Variants in ADCY2 observed in about 807,000 individuals in gnomAD.
ADCY2 encodes adenylate cyclase type 2.
In ADCY2, 31 loss-of-function variants were observed where a neutral mutation model predicts 125.2. That is an observed-to-expected ratio of 0.25 (90% CI 0.19 to 0.33). The LOEUF (loss-of-function observed/expected upper bound fraction) is 0.33, where lower values mean the gene tolerates loss of function less well. Ranked by LOEUF, ADCY2 falls within the 10% of genes least tolerant of loss-of-function variation. The pLI is 1.00. For synonymous variants in ADCY2, 512 were observed against 548.4 expected, an observed-to-expected ratio of 0.93 and a Z score of 0.93; for missense variants, 904 against 1,418.2, an observed-to-expected ratio of 0.64 and a Z score of 5.82.
chr5:7,608,432 C>T (rs941397094), intron 3 of ADCY2, among the ~76,000 whole-genome samples: 8 of 151,902 alleles, frequency 5.3e-5, no homozygotes, highest in South Asian at 2.1e-4. Context: ...AAAAGTTAGC[C>T]GGGCGTGGTG....
At chr5:7,761,143 C>CTT (rs1482654809) in intron 16 of ADCY2, among the ~76,000 whole-genome samples, 1 of 64,514 alleles carries the variant, frequency 1.6e-5, no homozygotes. Flanking sequence ...CTTTTCTTTT[C>CTT]TTTTCTTTTT....
At chr5:7,787,242 C>T (rs1388717911) in intron 19 of ADCY2, among the ~76,000 whole-genome samples, 1 of 152,208 alleles carries the variant, frequency 6.6e-6, no homozygotes, top group Non-Finnish European at 1.5e-5. Flanking sequence ...GCACTGCCCT[C>T]CCTGAGTCAC....
At chr5:7,704,433 AT>A (rs1741194262) in intron 7 of ADCY2, among the ~76,000 whole-genome samples, 1 of 152,176 alleles carries the variant, frequency 6.6e-6, no homozygotes, top group Non-Finnish European at 1.5e-5. Context: ...CATGTAAATT[AT>A]TTTTAATCAA....
At chr5:7,727,296 T>C (rs918508716) in intron 14 of ADCY2, 35 bp downstream of exon 14, 2 of 1,561,916 alleles carry the variant, frequency 1.3e-6, no homozygotes, top group Non-Finnish European at 1.8e-6. Flanking sequence ...GATTCTCACC[T>C]GGGGTGCCTT....
chr5:7,473,721 C>T (rs997848257), intron 2 of ADCY2, among the ~76,000 whole-genome samples: 2 of 152,150 alleles, frequency 1.3e-5, no homozygotes, highest in South Asian at 2.1e-4. Context: ...TTCCTTTCTG[C>T]AGTGGTAGGC....
In ADCY2 at chr5:7,602,162, A is replaced by C. The variant is rs115539962; in HGVS notation, c.571-24005A>C. On this transcript the variant is annotated intron_variant, in intron 3 of 24. Coordinates refer to ENST00000338316, the MANE Select transcript of ADCY2 (RefSeq NM_020546.3). ...TTATCTCAAAATCATAAACTTAGTT[A>C]CATTTGCAAAGGTACAATTTTTTCC... Among the ~76,000 whole-genome samples the C allele has an allele frequency of 3.1e-3, 468 of 152,354 alleles. 1 individual carries two copies. The highest frequency in any genetic ancestry group is 5.7e-3 in the Admixed American group (87 of 15,314).
intron 3 of ADCY2, among the ~76,000 whole-genome samples, chr5:7,573,126 C>T (rs1196561387): frequency 6.6e-6 from 1 of 152,114 alleles, no homozygotes; most frequent in Non-Finnish European, 1.5e-5. Flanking sequence ...TCTGCCTACA[C>T]CATGATTGTG....
At chr5:7,651,882 A>G (rs1435288073) in intron 4 of ADCY2, among the ~76,000 whole-genome samples, 1 of 152,088 alleles carries the variant, frequency 6.6e-6, no homozygotes, top group East Asian at 1.9e-4. Context: ...GGCTCACTGT[A>G]ACCTGCGCCT....
At chr5:7,781,702 T>C (rs1743927987) in intron 18 of ADCY2, among the ~76,000 whole-genome samples, 1 of 152,190 alleles carries the variant, frequency 6.6e-6, no homozygotes, top group Non-Finnish European at 1.5e-5. Context: ...GCTACCTCGT[T>C]ATAGCAACTC....
At chr5:7,750,472 A>G (rs1742773433) in intron 15 of ADCY2, among the ~76,000 whole-genome samples, 1 of 152,152 alleles carries the variant, frequency 6.6e-6, no homozygotes, top group Non-Finnish European at 1.5e-5. Flanking sequence ...TGTTTTTGTT[A>G]AACAATGTAT....
At chr5:7,804,437 G>A (rs1239386566) in intron 21 of ADCY2, 148 bp from the exon 22 acceptor site, 3 of 685,444 alleles carry the variant, frequency 4.4e-6, no homozygotes, top group Non-Finnish European at 8.0e-6. Context: ...TTCATTCCTG[G>A]AAAAGCCCAG....
intron 2 of ADCY2, among the ~76,000 whole-genome samples, chr5:7,437,411 G>A (rs1342367085): frequency 2.6e-5 from 4 of 152,210 alleles, no homozygotes; most frequent in South Asian, 2.1e-4. Flanking sequence ...TGAGGAGTTC[G>A]GAGTGGAAGT....
chr5:7,645,030 A>T (rs1033932116), intron 4 of ADCY2, among the ~76,000 whole-genome samples: 4 of 152,106 alleles, frequency 2.6e-5, no homozygotes, highest in Admixed American at 6.6e-5. Context: ...CTGTAGTTTC[A>T]TGCTCTTTGG....
intron 2 of ADCY2, among the ~76,000 whole-genome samples, chr5:7,464,720 A>C (rs1007918895): frequency 6.6e-6 from 1 of 152,210 alleles, no homozygotes; most frequent in Non-Finnish European, 1.5e-5. Context: ...ACCAAATCTA[A>C]ATGATAAGAG....
intron 22 of ADCY2, among the ~76,000 whole-genome samples, chr5:7,805,141 C>T (rs1370308073): frequency 1.3e-5 from 2 of 150,308 alleles, no homozygotes; most frequent in East Asian, 3.9e-4. Flanking sequence ...CATAGTGAAA[C>T]CCCGTCTTTA....
Position 7,626,338 on chromosome 5 carries a change from A to C in ADCY2, c.720+22A>C. On this transcript the variant is annotated intron_variant, in intron 4 of 24. Coordinates refer to ENST00000338316, the MANE Select transcript of ADCY2 (RefSeq NM_020546.3). ...ACAGGTAATGGATGTTTCATCTTAC[A>C]TCCACATTATTTTAGTCATTATTAA... The C allele has an allele frequency of 2.5e-6, 4 of 1,611,390 alleles. 1 individual carries two copies. In the South Asian group the frequency reaches 4.4e-5, roughly 18 times the overall value.
At chr5:7,641,260 C>T (rs1738701440) in intron 4 of ADCY2, among the ~76,000 whole-genome samples, 1 of 152,194 alleles carries the variant, frequency 6.6e-6, no homozygotes, top group Non-Finnish European at 1.5e-5. Context: ...GGCAGCCAGA[C>T]TGTCCATTAC....
At chr5:7,520,944 A>C in intron 3 of ADCY2, 45 bp downstream of exon 3, 1 of 1,607,388 alleles carries the variant, frequency 6.2e-7, no homozygotes, top group East Asian at 2.2e-5. Flanking sequence ...TCCACATCCC[A>C]CCAGGGGGTG....
intron 18 of ADCY2, among the ~76,000 whole-genome samples, chr5:7,775,781 C>A (rs1249816627): frequency 6.6e-6 from 1 of 152,208 alleles, no homozygotes; most frequent in Non-Finnish European, 1.5e-5. Flanking sequence ...TTTTTTCCTA[C>A]TTCCTAATTT....
Sources: gnomAD v4.1 joint callset for allele counts (sites outside exome capture counted in the v4.1 genomes callset) on GRCh38, gnomAD v4.1.1 for gene constraint, MANE v1.5 for transcripts, NCBI Gene and HGNC (gene_info 2026-07-23, HGNC 2026-07-21) for gene names.